The following SLC12A3 variants were observed in gnomAD, a reference collection of about 807,000 sequenced individuals.
SLC12A3 encodes the protein solute carrier family 12 member 3, also known as Na-Cl cotransporter.
A neutral mutation model predicts 121.0 loss-of-function variants in SLC12A3; 104 were observed. The ratio of observed to expected loss-of-function variants is 0.86; its 90% CI spans 0.73 to 1.01. The LOEUF is 1.01. Ranked by LOEUF, SLC12A3 falls within the 50% of genes least tolerant of loss-of-function variation. SLC12A3 has a pLI of 0.00. For synonymous variants in SLC12A3, 536 were observed against 533.4 expected (o/e 1.00, Z -0.07); for missense variants, 1,328 against 1,356.3 (o/e 0.98, Z 0.33).
intron 24 of SLC12A3, among the ~76,000 whole-genome samples, chr16:56,903,998 C>G (rs752765857): frequency 1.3e-4 from 20 of 152,206 alleles, no homozygotes; most frequent in Non-Finnish European, 2.1e-4. Context: ...CCCAAATTCC[C>G]CTGGAGAAGG....
At position 56,874,474 on chromosome 16, in the gene SLC12A3, C is replaced by T. The variant is rs148146020; in HGVS notation, c.1095+1688C>T. Among the ~76,000 whole-genome samples, 261 of 152,240 alleles carry T rather than the reference C, an allele frequency of 1.7e-3. 2 individuals carry two copies. Among genetic ancestry groups the T allele is most frequent in the Admixed American group, 4.7e-3 (72 of 15,284 alleles). On this transcript the variant is annotated intron_variant, in intron 8 of 25. Transcript: ENST00000563236. ...CAAACCTCCAGTCTCATTTGGAAGG[C>T]GCTCCTTGATGCATTTTCTTAAGCA... is the stretch of plus-strand genomic sequence containing the variant.
chr16:56,894,301 G>A (rs116625467), intron 21 of SLC12A3, among the ~76,000 whole-genome samples: 1 of 152,092 alleles, frequency 6.6e-6, no homozygotes, highest in Non-Finnish European at 1.5e-5. Flanking sequence ...CATGGCGCCC[G>A]GCCGCCAGCT....
Position 56,869,781 on chromosome 16 carries a change from C to T in SLC12A3, c.558C>T (p.Gly186=). Residue 186 remains glycine, a synonymous_variant, in exon 4 of 26, where the codon GGC becomes GGT. Coordinates refer to ENST00000563236, the MANE Select transcript of SLC12A3 (RefSeq NM_001126108.2). ...LLSVTVTSIT[G]LSISAISTNG... ...CGGTCACGGTGACCTCCATCACAGG[C>T]CTCTCCATCTCAGCCATCTCCACCA... The T allele has an allele frequency of 3.1e-6, 5 of 1,614,146 alleles. No individual in the cohort carries two copies. Among genetic ancestry groups the T allele is most frequent in the Non-Finnish European group, 4.2e-6 (5 of 1,180,014 alleles).
rs368783800 is a variant in SLC12A3, at chr16:56,879,567, C to T, written c.1361C>T (p.Ala454Val). ...YQTMSMVSGFAPLITAGIFGA... is the reference protein window; with the variant it reads ...YQTMSMVSGFVPLITAGIFGA... The stretch of plus-strand genomic sequence containing the variant: ...ACCATGAGCATGGTGTCAGGCTTCG[C>T]GCCCCTGATCACGGCTGGCATCTTC... The change falls in exon 11 of 26, where the codon GCG (alanine) becomes GTG (valine). Residue 454 changes from alanine to valine, a missense_variant. Coordinates refer to ENST00000563236, the MANE Select transcript of SLC12A3 (RefSeq NM_001126108.2). 194 of 1,613,646 alleles carry T rather than the reference C, an allele frequency of 1.2e-4. No homozygotes were observed. The highest frequency in any genetic ancestry group is 6.6e-4 in the Middle Eastern group (4 of 6,082).
chr16:56,908,109 CTT>C (rs200340853), intron 25 of SLC12A3, among the ~76,000 whole-genome samples: 9 of 129,260 alleles, frequency 7.0e-5, no homozygotes, highest in Non-Finnish European at 1.1e-4. Context: ...CCAGTGTGTG[CTT>C]TTTTTTTTTT....
chr16:56,893,119 C>G (rs1307520026), intron 21 of SLC12A3, 65 bp downstream of exon 21: 1 of 1,312,830 alleles, frequency 7.6e-7, no homozygotes, highest in Non-Finnish European at 1.1e-6. Flanking sequence ...GTCTTCCTTC[C>G]TTCTCCTTCC....
intron 9 of SLC12A3, 88 bp from the exon 10 acceptor site, chr16:56,878,985 G>A: frequency 1.3e-6 from 2 of 1,487,634 alleles, no homozygotes; most frequent in Non-Finnish European, 1.8e-6. Flanking sequence ...ATCATCTGCA[G>A]CACCTCGCCC....
At chr16:56,891,956 G>T in intron 19 of SLC12A3, 127 bp from the exon 20 acceptor site, 1 of 770,248 alleles carries the variant, frequency 1.3e-6, no homozygotes, top group South Asian at 1.4e-5. Flanking sequence ...CAGGTGCAGT[G>T]GGGCTGTGGA....
At chr16:56,879,389 T>C (rs1298494859) in intron 10 of SLC12A3, among the ~76,000 whole-genome samples, 153 bp from the exon 11 acceptor site, 1 of 151,998 alleles carries the variant, frequency 6.6e-6, no homozygotes, top group Non-Finnish European at 1.5e-5. Context: ...AGTCCCGACT[T>C]GTGGGTGGAC....
chr16:56,884,046 C>T lies in SLC12A3; in HGVS notation c.1670-3C>T, dbSNP rs2055276552. The T allele has an allele frequency of 6.2e-7, 1 of 1,614,058 alleles. No individual in the cohort carries two copies. Among genetic ancestry groups the T allele is most frequent in the African/African-American group, 1.3e-5 (1 of 74,930 alleles). On this transcript the variant is annotated splice_polypyrimidine_tract_variant and splice_region_variant and intron_variant, in intron 13 of 25. Coordinates refer to ENST00000563236, the MANE Select transcript of SLC12A3 (RefSeq NM_001126108.2). The stretch of plus-strand genomic sequence containing the variant: ...TGCCCACTGACTGGTGCCCTTGGCC[C>T]AGGGTGGAGACCTTCATTCCAATAC...
chr16:56,885,381 G>A lies in SLC12A3; in HGVS notation c.1925+17G>A. 1 of 1,487,558 alleles carries A rather than the reference G, an allele frequency of 6.7e-7. No individual in the cohort carries two copies. Among genetic ancestry groups the A allele is most frequent in the Non-Finnish European group, 9.2e-7 (1 of 1,088,642 alleles). 92.1% of individuals were successfully genotyped at this position (1,487,558 alleles called of 1,614,324 possible). On this transcript the variant is annotated intron_variant, in intron 15 of 25. Coordinates refer to ENST00000563236, the MANE Select transcript of SLC12A3 (RefSeq NM_001126108.2). Reference sequence around the variant, plus strand: ...GAACTACCGGTGAGCAGAGCTGCTGGGACCCACCTGGGACCCCAGGGCCAG... The same window carrying A: ...GAACTACCGGTGAGCAGAGCTGCTGAGACCCACCTGGGACCCCAGGGCCAG...
chr16:56,865,553 C>T (rs749875843), intron 1 of SLC12A3, 36 bp downstream of exon 1: 3 of 1,602,694 alleles, frequency 1.9e-6, no homozygotes, highest in Non-Finnish European at 2.5e-6. Context: ...CACTTCCCTG[C>T]TGTGTGACCT....
Position 56,902,361 on chromosome 16 carries a change from T to G in SLC12A3, c.2721-12T>G, listed in dbSNP as rs1484339383. On this transcript the variant is annotated splice_polypyrimidine_tract_variant and intron_variant, in intron 23 of 25. Transcript: ENST00000563236. Reference sequence around the variant, plus strand: ...CGTCTCAGCCGGCCTCAACCCACTTTCTCGTCCCCAGCACCAAGAGGTTTG... The same window carrying G: ...CGTCTCAGCCGGCCTCAACCCACTTGCTCGTCCCCAGCACCAAGAGGTTTG... 6 of 1,613,894 alleles carry G rather than the reference T, an allele frequency of 3.7e-6. No homozygotes were observed. Among genetic ancestry groups the G allele is most frequent in the Non-Finnish European group, 5.1e-6 (6 of 1,179,968 alleles).
Position 56,913,430 on chromosome 16 carries a change from A to G in SLC12A3, c.*25A>G. The stretch of plus-strand genomic sequence containing the variant: ...ACTCCAGGCTTTGACATCCCTGTCC[A>G]CAGCTCTGAGTGTGTGGGATAAGTT... On this transcript the variant is annotated 3_prime_UTR_variant, in exon 26 of 26. Transcript: ENST00000563236. The G allele has an allele frequency of 1.2e-6, 2 of 1,613,222 alleles. No homozygotes were observed. The highest frequency in any genetic ancestry group is 4.5e-5 in the East Asian group (2 of 44,884).
rs745735257 is a variant in SLC12A3 at position 56,865,376 on chromosome 16, C to T, written c.141C>T (p.His47=). The T allele has an allele frequency of 5.0e-6, 8 of 1,614,226 alleles. No individual in the cohort carries two copies. ...YDSSHPSHLT[H]SSTFCMRTFG... Reference sequence around the variant, plus strand: ...GCAGCCACCCCAGCCACCTGACCCACAGCAGCACCTTCTGCATGCGCACCT... The same window carrying T: ...GCAGCCACCCCAGCCACCTGACCCATAGCAGCACCTTCTGCATGCGCACCT... The change falls in exon 1 of 26, where the codon CAC becomes CAT. Residue 47 remains histidine, a synonymous_variant. Coordinates refer to ENST00000563236, the MANE Select transcript of SLC12A3 (RefSeq NM_001126108.2).
In SLC12A3 at chr16:56,902,408, G is replaced by A. The variant is rs201639116; in HGVS notation, c.2756G>A (p.Arg919His). 162 of 1,606,860 alleles carry A rather than the reference G, an allele frequency of 1.0e-4. No homozygotes were observed. Among genetic ancestry groups the A allele is most frequent in the Non-Finnish European group, 1.3e-4 (155 of 1,175,460 alleles). The change falls in exon 24 of 26, where the codon CGT (arginine) becomes CAT (histidine). Residue 919 changes from arginine (R) to histidine (H), a missense_variant. Transcript: ENST00000563236. The part of the protein sequence containing the change: ...KRFEDMIAPF[R>H]LNDGFKDEAT... ...TTTGAGGACATGATTGCACCCTTCC[G>A]TCTGAATGATGGCTTCAAGGATGAG...
At chr16:56,905,942 C>T (rs1180726100) in intron 25 of SLC12A3, among the ~76,000 whole-genome samples, 1 of 152,092 alleles carries the variant, frequency 6.6e-6, no homozygotes, top group East Asian at 1.9e-4. Flanking sequence ...GGAGAGCAAC[C>T]ACAAGTGCCT....
intron 7 of SLC12A3, 72 bp from the exon 8 acceptor site, chr16:56,872,584 T>C: frequency 6.2e-7 from 1 of 1,611,028 alleles, no homozygotes; most frequent in Non-Finnish European, 8.5e-7. Context: ...AGGGGCTGCC[T>C]GCCCAGTGGG....
chr16:56,891,432 C>A (rs1294375626), intron 19 of SLC12A3, among the ~76,000 whole-genome samples: 1 of 148,708 alleles, frequency 6.7e-6, no homozygotes. Flanking sequence ...ACGTGTATGG[C>A]AACAAATGAG....
Sources: gnomAD v4.1 joint callset for allele counts (sites outside exome capture counted in the v4.1 genomes callset) on GRCh38, gnomAD v4.1.1 for gene constraint, MANE v1.5 for transcripts, NCBI Gene and HGNC (gene_info 2026-07-23, HGNC 2026-07-21) for gene names.